Variants in NXPE2 observed in about 807,000 individuals in gnomAD.
NXPE2 encodes the protein neurexophilin and PC-esterase domain family member 2, also known as NXPE family member 2.
NXPE2 carries 34 observed loss-of-function variants against 34.4 expected under a neutral mutation model. The ratio of observed to expected loss-of-function variants is 0.99; its 90% CI spans 0.75 to 1.31. The LOEUF (loss-of-function observed/expected upper bound fraction) is 1.31, where lower values mean the gene tolerates loss of function less well. NXPE2 is among the 40% of genes most tolerant of loss of function. The pLI is 0.00. For missense variants in NXPE2, 649 were observed against 672.5 expected (o/e 0.97, Z 0.39); for synonymous variants, 235 against 231.3 (o/e 1.02, Z -0.15).
At chr11:114,621,661 C>T in the NXPE2 span, among the ~76,000 whole-genome samples, 1 of 152,150 alleles carries the variant, frequency 6.6e-6, no homozygotes, top group Non-Finnish European at 1.5e-5. Flanking sequence ...CCACTGTTAC[C>T]CTGTGGATAA....
chr11:114,807,807 A>G, the NXPE2 span, among the ~76,000 whole-genome samples: 4 of 152,054 alleles, frequency 2.6e-5, no homozygotes, highest in African/African-American at 7.3e-5. Context: ...TAACAAGGAT[A>G]CCCAGGAATT....
the NXPE2 span, among the ~76,000 whole-genome samples, chr11:114,601,890 A>G: frequency 2.3e-5 from 1 of 42,806 alleles, no homozygotes; most frequent in African/African-American, 6.9e-5. Context: ...ATAATTATAT[A>G]TTATATTTAT....
the NXPE2 span, among the ~76,000 whole-genome samples, chr11:114,811,795 T>C: frequency 6.6e-6 from 1 of 152,184 alleles, no homozygotes; most frequent in Non-Finnish European, 1.5e-5. Flanking sequence ...GGCCAGAGAA[T>C]GCAGTTAGTA....
chr11:114,468,952 A>G, the NXPE2 span, among the ~76,000 whole-genome samples: 1 of 152,134 alleles, frequency 6.6e-6, no homozygotes, highest in African/African-American at 2.4e-5. Context: ...AATAAAATTT[A>G]AGGTGAAATG....
the NXPE2 span, among the ~76,000 whole-genome samples, chr11:114,510,209 A>C: frequency 2.0e-5 from 3 of 152,156 alleles, no homozygotes; most frequent in Non-Finnish European, 4.4e-5. Context: ...GCAAGAAGTA[A>C]AAATAAAATT....
chr11:114,658,608 G>C, the NXPE2 span, among the ~76,000 whole-genome samples: 1 of 152,144 alleles, frequency 6.6e-6, no homozygotes, highest in African/African-American at 2.4e-5. Context: ...CAAACTCTGT[G>C]ACTTCAAGAC....
At chr11:114,510,289 G>A in the NXPE2 span, among the ~76,000 whole-genome samples, 2 of 152,158 alleles carry the variant, frequency 1.3e-5, no homozygotes, top group African/African-American at 2.4e-5. Context: ...GTGCAGTGGT[G>A]TGATCATAGT....
chr11:114,738,386 T>C, the NXPE2 span, among the ~76,000 whole-genome samples: 42,056 of 152,100 alleles, frequency 0.28, 6,366 homozygotes, highest in East Asian at 0.43. Context: ...TATGGGTAGA[T>C]TGGCAAGTTT....
At chr11:114,534,795 C>A in the NXPE2 span, among the ~76,000 whole-genome samples, 1 of 152,160 alleles carries the variant, frequency 6.6e-6, no homozygotes, top group African/African-American at 2.4e-5. Flanking sequence ...AAGACCAAAT[C>A]TACGTCTAAT....
the NXPE2 span, chr11:114,582,830 G>T: frequency 6.2e-7 from 1 of 1,614,180 alleles, no homozygotes; most frequent in Admixed American, 1.7e-5. Context: ...TATGTGTGGC[G>T]CTGGTGGTGG....
chr11:114,577,036 T>C, the NXPE2 span, among the ~76,000 whole-genome samples: 1 of 30,616 alleles, frequency 3.3e-5, no homozygotes, highest in African/African-American at 1.6e-4. Flanking sequence ...TACATATATA[T>C]ATATAAAGTT....
chr11:114,502,175 A>G, the NXPE2 span, among the ~76,000 whole-genome samples: 1 of 152,140 alleles, frequency 6.6e-6, no homozygotes, highest in South Asian at 2.1e-4. Flanking sequence ...TGACCATTTT[A>G]TATCTCTTGG....
At chr11:114,546,427 T>C in the NXPE2 span, among the ~76,000 whole-genome samples, 1 of 152,048 alleles carries the variant, frequency 6.6e-6, no homozygotes, top group South Asian at 2.1e-4. Flanking sequence ...TAGATATGCA[T>C]GTATTACTGG....
At chr11:114,626,920 T>C in the NXPE2 span, among the ~76,000 whole-genome samples, 13,349 of 150,360 alleles carry the variant, frequency 0.089, 663 homozygotes, top group Middle Eastern at 0.19. Context: ...AGGGTATCAG[T>C]GATGGAAGAT....
At chr11:114,629,947 A>G in the NXPE2 span, among the ~76,000 whole-genome samples, 2 of 150,508 alleles carry the variant, frequency 1.3e-5, no homozygotes, top group Admixed American at 1.3e-4. Context: ...TAAAATACCT[A>G]GGAATCCAAC....
At chr11:114,803,412 G>A in the NXPE2 span, among the ~76,000 whole-genome samples, 1 of 152,152 alleles carries the variant, frequency 6.6e-6, no homozygotes, top group Non-Finnish European at 1.5e-5. Flanking sequence ...CTTAGACTGG[G>A]TAACTTATAA....
Position 114,706,992 on chromosome 11 carries a change from A to G in NXPE2, c.*62A>G, listed in dbSNP as rs188199361. On this transcript the variant is annotated 3_prime_UTR_variant, in exon 6 of 6. Coordinates refer to ENST00000389586, the MANE Select transcript of NXPE2 (RefSeq NM_182495.6). ...AGATGATCTCACATATACAGCGAAG[A>G]TAGTTTAATGCAATCCAAGTTTTGA... The G allele has an allele frequency of 2.4e-5, 32 of 1,311,036 alleles. No individual in the cohort carries two copies. The Middle Eastern group carries it at 7.6e-4, about 31-fold the overall frequency. The allele number at this position is 1,311,036 out of a possible 1,614,324, so 81.2% of individuals were successfully genotyped here.
At chr11:114,726,243 C>T in the NXPE2 span, among the ~76,000 whole-genome samples, 3 of 151,858 alleles carry the variant, frequency 2.0e-5, no homozygotes, top group Admixed American at 1.3e-4. Flanking sequence ...TTAAATCATG[C>T]TCCCCTTTTA....
At chr11:114,554,078 T>G in the NXPE2 span, 1 of 985,476 alleles carries the variant, frequency 1.0e-6, no homozygotes, top group Non-Finnish European at 1.2e-6. Context: ...AATCAGAAAC[T>G]TGGCCACTAT....
Sources: allele counts gnomAD v4.1 joint callset (sites outside exome capture counted in the v4.1 genomes callset), GRCh38; gene constraint gnomAD v4.1.1; transcripts MANE v1.5; gene names NCBI Gene and HGNC (gene_info 2026-07-23, HGNC 2026-07-21).